Variants in RAD51B observed in about 807,000 individuals in gnomAD.
RAD51B encodes RAD51 paralog B.
RAD51B carries 38 observed loss-of-function variants against 42.2 expected under a neutral mutation model. The observed-to-expected ratio is 0.90, with a 90% CI of 0.70 to 1.18. The LOEUF (loss-of-function observed/expected upper bound fraction) is 1.18, where lower values mean the gene tolerates loss of function less well. Among genes scored for constraint, RAD51B ranks in the 50% most tolerant of loss-of-function variants. RAD51B has a pLI of 0.00. For synonymous variants in RAD51B, 154 were observed against 145.2 expected, an observed-to-expected ratio of 1.06 and a Z score of -0.43; for missense variants, 373 against 400.7, an observed-to-expected ratio of 0.93 and a Z score of 0.59.
At chr14:68,500,987 T>A (rs1452624218) in intron 10 of RAD51B, among the ~76,000 whole-genome samples, 1 of 152,164 alleles carries the variant, frequency 6.6e-6, no homozygotes, top group Non-Finnish European at 1.5e-5. Context: ...GCTCTGACTG[T>A]TTGGGGTCCC....
intron 10 of RAD51B, among the ~76,000 whole-genome samples, chr14:68,580,262 C>G (rs1890152455): frequency 6.6e-6 from 1 of 152,200 alleles, no homozygotes; most frequent in Non-Finnish European, 1.5e-5. Flanking sequence ...CCACTCTGCC[C>G]CACCTCTTCG....
intron 11 of RAD51B, among the ~76,000 whole-genome samples, chr14:68,659,541 G>A (rs1892891305): frequency 6.6e-6 from 1 of 152,206 alleles, no homozygotes; most frequent in South Asian, 2.1e-4. Context: ...GCCTGCAGAG[G>A]GCAGGAAACA....
chr14:68,250,333 A>T (rs1242208958), intron 7 of RAD51B, among the ~76,000 whole-genome samples: 1 of 152,202 alleles, frequency 6.6e-6, no homozygotes, highest in Non-Finnish European at 1.5e-5. Flanking sequence ...TTCACTATGC[A>T]GGCTATGCTT....
intron 7 of RAD51B, among the ~76,000 whole-genome samples, chr14:68,203,162 G>T (rs148217402): frequency 0.011 from 1,726 of 152,190 alleles, 14 homozygotes; most frequent in Non-Finnish European, 0.018. Flanking sequence ...TATATTTTGT[G>T]AAGATCCATC....
intron 8 of RAD51B, among the ~76,000 whole-genome samples, chr14:68,322,403 A>G (rs2082172646): frequency 6.6e-6 from 1 of 152,132 alleles, no homozygotes; most frequent in African/African-American, 2.4e-5. Context: ...TTCCTTCCCC[A>G]TCCCTTCCAC....
chr14:68,190,632 C>T (rs2079246108), intron 7 of RAD51B, among the ~76,000 whole-genome samples: 1 of 152,210 alleles, frequency 6.6e-6, no homozygotes, highest in Middle Eastern at 3.4e-3. Flanking sequence ...ATCCAAGGCA[C>T]TCTATATTCT....
intron 7 of RAD51B, among the ~76,000 whole-genome samples, chr14:67,902,748 G>A (rs2043653947): frequency 6.6e-6 from 1 of 152,106 alleles, no homozygotes; most frequent in South Asian, 2.1e-4. Flanking sequence ...AGAGGACCCT[G>A]CAATTATTAG....
chr14:68,402,721 G>A (rs1312412016), intron 8 of RAD51B, among the ~76,000 whole-genome samples: 1 of 152,196 alleles, frequency 6.6e-6, no homozygotes, highest in Non-Finnish European at 1.5e-5. Flanking sequence ...ATGGAGTGGT[G>A]CATTCTCAAA....
rs184752408 is a variant in RAD51B at position 68,037,570 on chromosome 14, A to G, written c.756+150366A>G. ...TTTTCATATTGACCTACATGACTAA[A>G]CCTGAGTTATAATTCAGAAGAAACA... On this transcript the variant is annotated intron_variant, in intron 7 of 10. Transcript: ENST00000471583. Among the ~76,000 whole-genome samples, 8 of 152,014 alleles carry G rather than the reference A, an allele frequency of 5.3e-5. No homozygotes were observed. In the East Asian group the frequency reaches 1.4e-3, roughly 26 times the overall value.
rs542338763 is a variant in RAD51B, at chr14:68,663,705, G to A, written c.*11+12849G>A. Among the ~76,000 whole-genome samples the A allele has an allele frequency of 7.2e-5, 11 of 152,342 alleles. No homozygotes were observed. In the South Asian group the frequency reaches 1.7e-3, roughly 23 times the overall value. ...AGACTTAGGCCTAACAGTGCTAGAC[G>A]TGGGAGGGAGTGTAGGTGTTGGTGA... On this transcript the variant is annotated intron_variant, in intron 11 of 11. Transcript: ENST00000488612.
At chr14:68,006,678 A>T (rs1735401327) in intron 7 of RAD51B, among the ~76,000 whole-genome samples, 1 of 152,132 alleles carries the variant, frequency 6.6e-6, no homozygotes, top group Admixed American at 6.6e-5. Flanking sequence ...TAATAATATT[A>T]TGTGATAATA....
intron 7 of RAD51B, among the ~76,000 whole-genome samples, chr14:68,119,466 C>G (rs1377521383): frequency 9.2e-6 from 1 of 108,554 alleles, no homozygotes; most frequent in African/African-American, 3.4e-5. Context: ...TATCCCACCC[C>G]CCTCCCCCCA....
chr14:68,389,571 C>A (rs1227075462), intron 8 of RAD51B, among the ~76,000 whole-genome samples: 2 of 152,098 alleles, frequency 1.3e-5, no homozygotes, highest in East Asian at 1.9e-4. Flanking sequence ...CTTATGTTAA[C>A]TTTTTTTCCA....
intron 8 of RAD51B, among the ~76,000 whole-genome samples, chr14:68,402,961 A>C (rs1291849580): frequency 2.0e-5 from 3 of 152,222 alleles, no homozygotes; most frequent in Non-Finnish European, 4.4e-5. Flanking sequence ...TCAAAAGCCC[A>C]GACGGAGTCA....
intron 7 of RAD51B, among the ~76,000 whole-genome samples, chr14:67,988,673 G>A (rs1174705950): frequency 3.9e-5 from 6 of 152,126 alleles, no homozygotes; most frequent in Non-Finnish European, 5.9e-5. Context: ...AGCAGGAAGA[G>A]GCACTGTGAT....
chr14:67,992,585 G>A (rs2075313539), intron 7 of RAD51B, among the ~76,000 whole-genome samples: 1 of 152,110 alleles, frequency 6.6e-6, no homozygotes, highest in Admixed American at 6.5e-5. Flanking sequence ...TCTGTCGTTT[G>A]GCTAAGAGGC....
intron 9 of RAD51B, among the ~76,000 whole-genome samples, chr14:68,415,914 G>C (rs2331701): frequency 0.41 from 61,724 of 151,940 alleles, 12,748 homozygotes; most frequent in East Asian, 0.48. Context: ...CCTCACACCC[G>C]CTTGATGAAA....
At chr14:68,338,058 C>T (rs752684372) in intron 8 of RAD51B, among the ~76,000 whole-genome samples, 1 of 152,128 alleles carries the variant, frequency 6.6e-6, no homozygotes, top group Non-Finnish European at 1.5e-5. Flanking sequence ...TCCGAAAGTG[C>T]TGGGATTATA....
At chr14:68,509,151 G>T (rs903520086) in intron 10 of RAD51B, among the ~76,000 whole-genome samples, 1 of 152,236 alleles carries the variant, frequency 6.6e-6, no homozygotes, top group African/African-American at 2.4e-5. Flanking sequence ...GTTTTCAAGG[G>T]GTGAGTGTAG....
Sources: allele counts gnomAD v4.1 joint callset (sites outside exome capture counted in the v4.1 genomes callset), GRCh38; gene constraint gnomAD v4.1.1; transcripts MANE v1.5; gene names NCBI Gene and HGNC (gene_info 2026-07-23, HGNC 2026-07-21).